The following ZNF208 variants were observed in gnomAD, a reference collection of about 807,000 sequenced individuals.
ZNF208 encodes the protein zinc finger protein 208.
A neutral mutation model predicts 12.1 loss-of-function variants in ZNF208; 10 were observed. The ratio of observed to expected loss-of-function variants is 0.83; its 90% CI spans 0.51 to 1.40. The LOEUF is 1.40. ZNF208 is among the 40% of genes most tolerant of loss of function. ZNF208 has a pLI of 0.00. For missense variants in ZNF208, 1,652 were observed against 1,485.0 expected (o/e 1.11, Z -1.85); for synonymous variants, 497 against 488.4 (o/e 1.02, Z -0.23).
downstream of ZNF208, among the ~76,000 whole-genome samples, chr19:21,961,929 T>C (rs571419787): frequency 6.6e-6 from 1 of 152,256 alleles, no homozygotes; most frequent in East Asian, 1.9e-4. Context: ...TTACAATCAA[T>C]TTGTACAATA....
At chr19:21,985,164 G>A (rs1191440060) in intron 3 of ZNF208, among the ~76,000 whole-genome samples, 1 of 152,154 alleles carries the variant, frequency 6.6e-6, no homozygotes, top group Non-Finnish European at 1.5e-5. Flanking sequence ...GACAAAGATT[G>A]TATGAGATAG....
intron 4 of ZNF208, among the ~76,000 whole-genome samples, chr19:21,946,367 C>T (rs569010143): frequency 1.3e-5 from 2 of 152,182 alleles, no homozygotes; most frequent in Non-Finnish European, 1.5e-5. Flanking sequence ...CACACATTCT[C>T]TAAGACAGCT....
chr19:22,006,234 C>G (rs1177808664), intron 1 of ZNF208, among the ~76,000 whole-genome samples: 2 of 151,918 alleles, frequency 1.3e-5, no homozygotes, highest in Non-Finnish European at 2.9e-5. Context: ...TTCATTTAAA[C>G]ATTCCCCTCA....
At chr19:22,004,840 T>C (rs1215814509) in intron 1 of ZNF208, among the ~76,000 whole-genome samples, 1 of 152,114 alleles carries the variant, frequency 6.6e-6, no homozygotes, top group Non-Finnish European at 1.5e-5. Context: ...GACAAAATAA[T>C]CTGCACACCA....
intron 1 of ZNF208, among the ~76,000 whole-genome samples, chr19:21,997,175 T>A (rs1246923946): frequency 6.6e-6 from 1 of 152,182 alleles, no homozygotes; most frequent in Non-Finnish European, 1.5e-5. Flanking sequence ...TGCATTATAG[T>A]CAATTTGCTC....
Position 21,973,828 on chromosome 19 carries a change from A to T in ZNF208, c.1206T>A (p.Cys402Ter). 1 of 1,613,526 alleles carries T rather than the reference A, an allele frequency of 6.2e-7. No individual in the cohort carries two copies. The highest frequency in any genetic ancestry group is 8.5e-7 in the Non-Finnish European group (1 of 1,179,878). ...TTGAGAACATACTAAAACCTTTGCC[A>T]CATTCTTCACATTTGTAGGGTTTCT... is the stretch of plus-strand genomic sequence containing the variant. Reference protein sequence around the residue: ...TGEKPYKCEECGKGFSMFSIL... With the variant: ...TGEKPYKCEE The change falls in exon 4 of 4, where the codon TGT becomes TGA. Residue 402 changes from cysteine (C) to a stop codon, truncating the protein, a stop_gained. Coordinates refer to ENST00000397126, the MANE Select transcript of ZNF208 (RefSeq NM_007153.3). LOFTEE classifies it low-confidence loss of function (END_TRUNC).
intron 4 of ZNF208, among the ~76,000 whole-genome samples, chr19:21,947,085 T>A (rs1425757112): frequency 6.6e-6 from 1 of 152,168 alleles, no homozygotes; most frequent in African/African-American, 2.4e-5. Flanking sequence ...AGTCAGTGTC[T>A]TAGTCATCAG....
At chr19:21,995,767 C>A (rs1306180559) in intron 1 of ZNF208, among the ~76,000 whole-genome samples, 1 of 152,164 alleles carries the variant, frequency 6.6e-6, no homozygotes, top group Non-Finnish European at 1.5e-5. Context: ...TCTTAAGATG[C>A]TTGTTTACAC....
chr19:21,949,224 G>T (rs979838149), intron 4 of ZNF208, among the ~76,000 whole-genome samples: 3 of 152,158 alleles, frequency 2.0e-5, no homozygotes, highest in African/African-American at 7.2e-5. Context: ...TCCTTAAGTT[G>T]AAACTTTGCA....
At position 21,971,278 on chromosome 19, in the gene ZNF208, G is replaced by C. The variant is rs757983877; in HGVS notation, c.3756C>G (p.Pro1252=). The C allele has an allele frequency of 6.2e-7, 1 of 1,611,714 alleles. No individual in the cohort carries two copies. ...CTTTGCCACATTCTTCACATTTGTA[G>C]GGTTTCTCTCCAGTATGAATTACCT... ...KHKVIHTGEK[P]YKCEECGKAF... Residue 1252 remains proline, a synonymous_variant, in exon 4 of 4, where the codon CCC becomes CCG. Transcript: ENST00000397126.
At chr19:21,986,807 C>A (rs566777180) in intron 3 of ZNF208, 29 of 375,458 alleles carry the variant, frequency 7.7e-5, no homozygotes, top group East Asian at 4.5e-4. Context: ...AACAAAAAAA[C>A]CCCAAAGATA....
intron 4 of ZNF208, chr19:21,940,601 C>G (rs1233095718): frequency 6.6e-6 from 1 of 152,228 alleles, no homozygotes. Flanking sequence ...GGAAATAGTT[C>G]CCTCCTCTCC....
intron 4 of ZNF208, among the ~76,000 whole-genome samples, chr19:21,947,582 C>T (rs1969833416): frequency 6.6e-6 from 1 of 152,122 alleles, no homozygotes; most frequent in Non-Finnish European, 1.5e-5. Flanking sequence ...AGGCCTCATG[C>T]CCTATTTCTA....
chr19:21,975,368 G>C (rs900184861), intron 3 of ZNF208, among the ~76,000 whole-genome samples: 1 of 152,160 alleles, frequency 6.6e-6, no homozygotes, highest in African/African-American at 2.4e-5. Context: ...CAGTCCTGCA[G>C]AGAGAGACCA....
rs761158791 is a variant in ZNF208 at position 21,971,980 on chromosome 19, T to C, written c.3054A>G (p.Glu1018=). The change falls in exon 4 of 4, where the codon GAA becomes GAG. Residue 1018 remains glutamate (E), a synonymous_variant. Coordinates refer to ENST00000397126, the MANE Select transcript of ZNF208 (RefSeq NM_007153.3). ...KAFNWSSNLM[E]HKKIHTGETP... ...TCTCTCCAGTGTGAATTTTCTTATGTTCCATAAGGTTTGATGACCAGTTGA... is the reference window on the plus strand; with the variant it reads ...TCTCTCCAGTGTGAATTTTCTTATGCTCCATAAGGTTTGATGACCAGTTGA... 3 of 1,613,006 alleles carry C rather than the reference T, an allele frequency of 1.9e-6. No individual in the cohort carries two copies. The highest frequency in any genetic ancestry group is 3.3e-5 in the Admixed American group (2 of 59,860).
rs977039037 is a variant in ZNF208 at position 21,968,777 on chromosome 19, T to C, written c.*2414A>G. Among the ~76,000 whole-genome samples the C allele has an allele frequency of 4.2e-5, 6 of 143,636 alleles. No homozygotes were observed. The highest frequency in any genetic ancestry group is 1.6e-4 in the African/African-American group (6 of 38,194). 94.2% of individuals were successfully genotyped at this position (143,636 alleles called of 152,430 possible). ...TAGGCTTAGGTAAAACTCTTTGCAA[T>C]GTGGTAAAACTTCGCTGTGATTTCA... On this transcript the variant is annotated 3_prime_UTR_variant, in exon 4 of 4. Transcript: ENST00000397126.
Position 21,969,012 on chromosome 19 carries a change from A to C in ZNF208, c.*2179T>G, listed in dbSNP as rs935855197. On this transcript the variant is annotated 3_prime_UTR_variant, in exon 4 of 4. Transcript: ENST00000397126. ...GTCCTGGCTAATATGGTGAAACCCC[A>C]TCTGTACTAAAAATACAAAAAATTA... Among the ~76,000 whole-genome samples the C allele has an allele frequency of 2.6e-5, 4 of 152,130 alleles. No homozygotes were observed. The highest frequency in any genetic ancestry group is 7.2e-5 in the African/African-American group (3 of 41,448).
rs1162246159 is a variant in ZNF208 at position 21,966,527 on chromosome 19, A to T, written c.*4664T>A. The T allele has an allele frequency of 2.0e-5, 3 of 152,074 alleles. No homozygotes were observed. The highest frequency in any genetic ancestry group is 6.6e-5 in the Admixed American group (1 of 15,244). 9.4% of individuals were successfully genotyped at this position (152,074 alleles called of 1,614,324 possible). A position where few individuals can be genotyped will look rare whatever the true frequency, so the allele number is the denominator to read the frequency against. On this transcript the variant is annotated 3_prime_UTR_variant, in exon 4 of 4. Transcript: ENST00000397126. The stretch of plus-strand genomic sequence containing the variant: ...AAAAGATTCATGGGTAACTGGTTAA[A>T]TTCTGTTTTTGCTATTGTGAATAGT...
chr19:21,949,768 C>A (rs113482763), intron 4 of ZNF208, among the ~76,000 whole-genome samples: 5,261 of 152,296 alleles, frequency 0.035, 130 homozygotes, highest in Non-Finnish European at 0.05. Flanking sequence ...AGAAACTTGA[C>A]TTGATGGCTA....
Sources: allele counts gnomAD v4.1 joint callset (sites outside exome capture counted in the v4.1 genomes callset), GRCh38; gene constraint gnomAD v4.1.1; transcripts MANE v1.5; gene names NCBI Gene and HGNC (gene_info 2026-07-23, HGNC 2026-07-21).